SLC2A5: variants seen among roughly 807,000 people sequenced by gnomAD.
SLC2A5 encodes the protein solute carrier family 2 member 5.
In SLC2A5, 56 loss-of-function variants were observed where a neutral mutation model predicts 50.3. That is an observed-to-expected ratio of 1.11 (90% confidence interval 0.90 to 1.39). The LOEUF (loss-of-function observed/expected upper bound fraction) is 1.39, where lower values mean the gene tolerates loss of function less well. SLC2A5 is among the 40% of genes most tolerant of loss of function. The pLI is 0.00. For synonymous variants in SLC2A5, 269 were observed against 281.9 expected, an observed-to-expected ratio of 0.95 and a Z score of 0.46; for missense variants, 566 against 650.1, an observed-to-expected ratio of 0.87 and a Z score of 1.41.
At chr1:9,066,321 T>A (rs956575687) in intron 1 of SLC2A5, among the ~76,000 whole-genome samples, 22 of 152,172 alleles carry the variant, frequency 1.4e-4, no homozygotes, top group Non-Finnish European at 1.9e-4. Context: ...CTGCAAACTC[T>A]ACCTCCCAGG....
At chr1:9,038,611 C>T (rs1016568555) in intron 9 of SLC2A5, 105 bp from the exon 10 acceptor site, 253 of 1,250,712 alleles carry the variant, frequency 2.0e-4, no homozygotes, top group Middle Eastern at 3.9e-4. Context: ...CCTGGCTCCT[C>T]CCCCAGCAGT....
At position 9,063,681 on chromosome 1, in the gene SLC2A5, C is replaced by CTTT. The variant is rs70985579; in HGVS notation, c.34-5434_34-5432dup. Among the ~76,000 whole-genome samples the CTTT allele has an allele frequency of 8.6e-4, 39 of 45,174 alleles. 2 individuals are homozygous for CTTT. Among genetic ancestry groups the CTTT allele is most frequent in the Non-Finnish European group, 1.3e-3 (34 of 27,092 alleles). The allele number at this position is 45,174 out of a possible 152,430, so 29.6% of individuals were successfully genotyped here. ...AGCCAACACATCAGGCTATTATTTA[C>CTTT]TTTTTTTTTTTTTTTTTTTTTTTTT... is the stretch of plus-strand genomic sequence containing the variant. On this transcript the variant is annotated intron_variant, in intron 1 of 11. Transcript: ENST00000377424.
chr1:9,047,203 C>T (rs536870347), intron 4 of SLC2A5, among the ~76,000 whole-genome samples: 77 of 152,256 alleles, frequency 5.1e-4, no homozygotes, highest in African/African-American at 1.4e-3. Flanking sequence ...TTCAAGTGAT[C>T]CTCCCGCCTC....
At position 9,060,446 on chromosome 1, in the gene SLC2A5, A is replaced by T. The variant is rs1641902671; in HGVS notation, c.34-2196T>A. The stretch of plus-strand genomic sequence containing the variant: ...CCCCACATGCCTCCAGTACACACAC[A>T]CACCTCCCACACACACCCCACACAT... On this transcript the variant is annotated intron_variant, in intron 1 of 11. Transcript: ENST00000377424. Among the ~76,000 whole-genome samples, 3 of 139,790 alleles carry T rather than the reference A, an allele frequency of 2.1e-5. No individual in the cohort carries two copies. In the South Asian group the frequency reaches 6.9e-4, roughly 32 times the overall value. The allele number at this position is 139,790 out of a possible 152,430, so 91.7% of individuals were successfully genotyped here.
chr1:9,053,931 A>T (rs796576881), intron 3 of SLC2A5, among the ~76,000 whole-genome samples: 1 of 151,984 alleles, frequency 6.6e-6, no homozygotes, highest in African/African-American at 2.4e-5. Flanking sequence ...AAAACTATAA[A>T]AGTTATCTAA....
At chr1:9,060,343 C>T (rs537776329) in intron 1 of SLC2A5, among the ~76,000 whole-genome samples, 7 of 132,462 alleles carry the variant, frequency 5.3e-5, no homozygotes, top group East Asian at 2.4e-4. Context: ...CAAGCACACA[C>T]GCCCCCCAAA....
At chr1:9,086,387 CTT>C (rs34593630) in intron 1 of SLC2A5, among the ~76,000 whole-genome samples, 5,224 of 140,474 alleles carry the variant, frequency 0.037, 296 homozygotes, top group East Asian at 0.24. Context: ...TTTTCTCTCT[CTT>C]TTTTTTTTTT....
chr1:9,056,980 T>G (rs1470492096), intron 3 of SLC2A5, among the ~76,000 whole-genome samples: 1 of 152,126 alleles, frequency 6.6e-6, no homozygotes, highest in Non-Finnish European at 1.5e-5. Context: ...TGATCTTCTT[T>G]TCTGACCCCA....
At chr1:9,047,112 T>A (rs1641455065) in intron 4 of SLC2A5, among the ~76,000 whole-genome samples, 2 of 152,160 alleles carry the variant, frequency 1.3e-5, no homozygotes, top group Admixed American at 1.3e-4. Context: ...CTTTATAAAT[T>A]ACCCAGTCTT....
At position 9,039,594 on chromosome 1, in the gene SLC2A5, C is replaced by A; in HGVS notation, c.954G>T (p.Thr318=). 3.2e-6 allele frequency: 5 copies of A among 1,575,952 alleles called. No individual in the cohort carries two copies. Among genetic ancestry groups the A allele is most frequent in the Non-Finnish European group, 4.3e-6 (5 of 1,161,776 alleles). ...GVPEEHVQYV[T]AGTGAVNVVM... ...CCACGTTCACGGCCCCGGTGCCGGC[C>A]GTCACGTACTGCACGTGCTCCTCCG... Residue 318 remains threonine, a synonymous_variant, in exon 8 of 12, where the codon ACG becomes ACT. Coordinates refer to ENST00000377424, the MANE Select transcript of SLC2A5 (RefSeq NM_003039.3).
chr1:9,070,802 TG>T (rs1204724547), upstream of SLC2A5, among the ~76,000 whole-genome samples: 1 of 151,216 alleles, frequency 6.6e-6, no homozygotes, highest in East Asian at 1.9e-4. Flanking sequence ...TTGCTCAGGG[TG>T]GGAGACTGTG....
At chr1:9,042,013 T>C (rs1467496229) in intron 4 of SLC2A5, 76 bp from the exon 5 acceptor site, 1 of 1,457,946 alleles carries the variant, frequency 6.9e-7, no homozygotes, top group Non-Finnish European at 9.1e-7. Context: ...AGTATACTAT[T>C]CTTAGCAATA....
At chr1:9,066,561 C>G (rs1457908258) in intron 1 of SLC2A5, among the ~76,000 whole-genome samples, 1 of 152,114 alleles carries the variant, frequency 6.6e-6, no homozygotes, top group Non-Finnish European at 1.5e-5. Context: ...TTGTAAAATA[C>G]CTTGTTGTAC....
At chr1:9,042,387 C>T (rs1015567646) in intron 4 of SLC2A5, among the ~76,000 whole-genome samples, 2 of 151,828 alleles carry the variant, frequency 1.3e-5, no homozygotes, top group African/African-American at 2.4e-5. Context: ...ATAGTGGAAC[C>T]GTTTCCACTA....
chr1:9,061,830 T>C (rs1335101568), intron 1 of SLC2A5, among the ~76,000 whole-genome samples: 3 of 151,690 alleles, frequency 2.0e-5, no homozygotes, highest in Admixed American at 1.3e-4. Context: ...TGCCCCAGAG[T>C]TGGGGGTTCT....
At chr1:9,059,562 A>AGAGTCTTTC (rs58799445) in intron 1 of SLC2A5, among the ~76,000 whole-genome samples, 1 of 94,694 alleles carries the variant, frequency 1.1e-5, no homozygotes, top group Non-Finnish European at 2.2e-5. Flanking sequence ...TTTCTGAGAC[A>AGAGTCTTTC]TTTCTTGCCC....
intron 1 of SLC2A5, among the ~76,000 whole-genome samples, chr1:9,087,615 GA>G (rs59148129): frequency 0.01 from 1,592 of 152,188 alleles, 44 homozygotes; most frequent in African/African-American, 0.037. Context: ...CCCTCATCCT[GA>G]ATTAACTCCT....
chr1:9,058,117 G>T, intron 2 of SLC2A5, 35 bp downstream of exon 2: 3 of 1,522,014 alleles, frequency 2.0e-6, no homozygotes, highest in Non-Finnish European at 2.7e-6. Context: ...TGCTCCAAAC[G>T]TCCTCCCCAC....
chr1:9,040,448 G>A lies in SLC2A5; in HGVS notation c.572-259C>T, dbSNP rs917691616. The A allele has an allele frequency of 1.3e-5, 6 of 476,156 alleles. No individual in the cohort carries two copies. Among genetic ancestry groups the A allele is most frequent in the East Asian group, 8.3e-5 (2 of 24,192 alleles). 29.5% of individuals were successfully genotyped at this position (476,156 alleles called of 1,614,324 possible). A position where few individuals can be genotyped will look rare whatever the true frequency, so the allele number is the denominator to read the frequency against. ...GGTAATACCATGTGCTGGTGAGAAC[G>A]TCCCCGTGTCCTTCAGAGGACAGTC... On this transcript the variant is annotated intron_variant, in intron 5 of 11. Coordinates refer to ENST00000377424, the MANE Select transcript of SLC2A5 (RefSeq NM_003039.3). The surrounding 1 kb of genome is among the most constrained non-coding windows in gnomAD (Gnocchi z 4.3).
Sources: gnomAD v4.1 joint callset for allele counts (sites outside exome capture counted in the v4.1 genomes callset) on GRCh38, gnomAD v4.1.1 for gene constraint, Gnocchi (gnomAD v3.1) non-coding constraint, MANE v1.5 for transcripts, NCBI Gene and HGNC (gene_info 2026-07-23, HGNC 2026-07-21) for gene names.